EYS: variants seen among roughly 807,000 people sequenced by gnomAD.
EYS encodes EGF-like photoreceptor maintenance factor.
In EYS, 250 loss-of-function variants were observed where a neutral mutation model predicts 282.1. That is an observed-to-expected ratio of 0.89 (90% CI 0.80 to 0.98). EYS has a LOEUF of 0.98. Among genes scored for constraint, EYS ranks in the 50% least tolerant of loss-of-function variants. EYS has a pLI of 0.00. For synonymous variants in EYS, 1,355 were observed against 1,282.9 expected (o/e 1.06, Z -1.20); for missense variants, 4,016 against 3,709.0 (o/e 1.08, Z -2.15).
intron 30 of EYS, among the ~76,000 whole-genome samples, chr6:64,280,460 G>C (rs985707493): frequency 1.3e-4 from 20 of 152,062 alleles, no homozygotes; most frequent in African/African-American, 4.6e-4. Flanking sequence ...AAGGCCGTTT[G>C]AGTCAAACTT....
At chr6:64,703,408 C>CAT (rs1770860204) in intron 22 of EYS, among the ~76,000 whole-genome samples, 3 of 31,318 alleles carry the variant, frequency 9.6e-5, no homozygotes, top group Non-Finnish European at 2.6e-4. Flanking sequence ...CACACACACA[C>CAT]ACATATATAT....
intron 33 of EYS, among the ~76,000 whole-genome samples, chr6:64,058,012 C>T (rs184116861): frequency 4.6e-5 from 7 of 152,146 alleles, no homozygotes; most frequent in South Asian, 2.1e-4. Flanking sequence ...TTCGTAGAGA[C>T]GGGGTTTCAC....
chr6:65,461,554 T>G (rs1764826286), intron 5 of EYS, among the ~76,000 whole-genome samples: 1 of 152,082 alleles, frequency 6.6e-6, no homozygotes, highest in Non-Finnish European at 1.5e-5. Flanking sequence ...TTCTGAAACA[T>G]CTGCTGTGTA....
chr6:65,527,039 CCTT>C (rs1767595104), intron 2 of EYS, among the ~76,000 whole-genome samples: 1 of 152,140 alleles, frequency 6.6e-6, no homozygotes, highest in African/African-American at 2.4e-5. Flanking sequence ...GCAATTTTCT[CCTT>C]CTCATCACTT....
chr6:64,521,617 C>T (rs1442251752), intron 26 of EYS, among the ~76,000 whole-genome samples: 1 of 151,704 alleles, frequency 6.6e-6, no homozygotes, highest in African/African-American at 2.4e-5. Flanking sequence ...TAACACAGAA[C>T]TACAAAGGGC....
chr6:64,241,836 T>C (rs1349681680), intron 30 of EYS, among the ~76,000 whole-genome samples: 1 of 152,214 alleles, frequency 6.6e-6, no homozygotes, highest in East Asian at 1.9e-4. Context: ...CATTTAGTGC[T>C]ATAAATTTTC....
At chr6:64,771,267 C>G (rs556174924) in intron 22 of EYS, among the ~76,000 whole-genome samples, 2 of 151,522 alleles carry the variant, frequency 1.3e-5, no homozygotes, top group Non-Finnish European at 3.0e-5. Context: ...TTGTGATTCT[C>G]CTCTTTCTGA....
chr6:64,379,442 T>G (rs190177047), intron 29 of EYS: 1 of 152,322 alleles, frequency 6.6e-6, no homozygotes, highest in Non-Finnish European at 1.5e-5. Context: ...ATTGATGGAC[T>G]TTGATTTGAT....
At chr6:64,590,125 G>T in intron 26 of EYS, 98 bp downstream of exon 26, 2 of 1,026,340 alleles carry the variant, frequency 1.9e-6, no homozygotes, top group Non-Finnish European at 2.8e-6. Flanking sequence ...TTACAATGAG[G>T]CTGTTCAGAG....
intron 29 of EYS, among the ~76,000 whole-genome samples, chr6:64,311,740 G>T (rs557443700): frequency 8.9e-4 from 135 of 152,276 alleles, no homozygotes; most frequent in Non-Finnish European, 1.3e-3. Context: ...GCAGGATGGG[G>T]TGTCAGCTCA....
intron 22 of EYS, among the ~76,000 whole-genome samples, chr6:64,777,041 A>T (rs924383348): frequency 8.5e-5 from 13 of 152,196 alleles, no homozygotes; most frequent in African/African-American, 3.1e-4. Context: ...AGAGAGAATG[A>T]GAGCCCAGTG....
chr6:65,038,736 C>T (rs944177081), intron 13 of EYS, among the ~76,000 whole-genome samples: 3 of 151,568 alleles, frequency 2.0e-5, no homozygotes, highest in African/African-American at 7.2e-5. Context: ...AGTTACTTCA[C>T]ATTTTCAATA....
At chr6:65,342,347 G>C (rs2150318617) in intron 10 of EYS, among the ~76,000 whole-genome samples, 1 of 150,980 alleles carries the variant, frequency 6.6e-6, no homozygotes, top group South Asian at 2.1e-4. Flanking sequence ...ATTTAAAAGG[G>C]TTGAATCTTG....
chr6:64,565,141 A>AG (rs1181397985), intron 26 of EYS, among the ~76,000 whole-genome samples: 2 of 152,100 alleles, frequency 1.3e-5, no homozygotes, highest in Non-Finnish European at 2.9e-5. Flanking sequence ...TTTTCTGTGC[A>AG]GAAACGTTTT....
At chr6:64,917,139 C>T (rs1240161552) in intron 15 of EYS, among the ~76,000 whole-genome samples, 1 of 151,918 alleles carries the variant, frequency 6.6e-6, no homozygotes, top group Non-Finnish European at 1.5e-5. Context: ...GCCCCAGCTA[C>T]GCGGGAGGCT....
chr6:64,780,415 C>T (rs74833957), intron 22 of EYS, among the ~76,000 whole-genome samples: 10,240 of 152,004 alleles, frequency 0.067, 481 homozygotes, highest in East Asian at 0.22. Context: ...AACTCAGAAA[C>T]AGAAAATCAA....
chr6:64,960,179 TG>T (rs1312164850), intron 14 of EYS, among the ~76,000 whole-genome samples: 2 of 152,152 alleles, frequency 1.3e-5, no homozygotes, highest in African/African-American at 4.8e-5. Flanking sequence ...TTCTTAATCC[TG>T]TTAACAAATA....
chr6:64,912,326 A>G (rs527444418), intron 16 of EYS, among the ~76,000 whole-genome samples, 158 bp downstream of exon 16: 1 of 152,066 alleles, frequency 6.6e-6, no homozygotes. Flanking sequence ...TCTCTAATAC[A>G]TTTTTATAAC....
chr6:64,056,559 C>T (rs1016228925), intron 33 of EYS, among the ~76,000 whole-genome samples: 1 of 152,184 alleles, frequency 6.6e-6, no homozygotes, highest in Non-Finnish European at 1.5e-5. Context: ...GCTAAGGTGC[C>T]AGACGAATTG....
Sources: allele counts gnomAD v4.1 joint callset (sites outside exome capture counted in the v4.1 genomes callset), GRCh38; gene constraint gnomAD v4.1.1; transcripts MANE v1.5; gene names NCBI Gene and HGNC (gene_info 2026-07-23, HGNC 2026-07-21).